Variants in DLG2 observed in about 807,000 individuals in gnomAD.
DLG2 encodes disks large homolog 2.
In DLG2, 45 loss-of-function variants were observed where a neutral mutation model predicts 132.5. That is an observed-to-expected ratio of 0.34 (90% confidence interval 0.27 to 0.44). The LOEUF is 0.44. DLG2 is among the 20% of genes least tolerant of loss of function. DLG2 has a pLI of 1.00. For synonymous variants in DLG2, 424 were observed against 419.6 expected (o/e 1.01, Z -0.13); for missense variants, 1,045 against 1,196.9 (o/e 0.87, Z 1.87).
chr11:84,580,217 C>T (rs2099513143), intron 6 of DLG2, among the ~76,000 whole-genome samples: 1 of 152,080 alleles, frequency 6.6e-6, no homozygotes. Flanking sequence ...TGGGTTTCAT[C>T]AAGCCTCAGA....
chr11:85,523,934 A>G (rs1426720282), intron 3 of DLG2, among the ~76,000 whole-genome samples: 2 of 152,214 alleles, frequency 1.3e-5, no homozygotes, highest in Admixed American at 6.5e-5. Context: ...ATTTGCACCA[A>G]TATGGATGGA....
intron 4 of DLG2, among the ~76,000 whole-genome samples, chr11:85,234,015 A>T (rs2075444793): frequency 6.6e-6 from 1 of 151,940 alleles, no homozygotes; most frequent in South Asian, 2.1e-4. Context: ...CTTTAACAAT[A>T]TTAATTGTGT....
chr11:84,557,856 G>T (rs1395119455), intron 6 of DLG2, among the ~76,000 whole-genome samples: 1 of 151,984 alleles, frequency 6.6e-6, no homozygotes, highest in Non-Finnish European at 1.5e-5. Context: ...AATTTTTCTA[G>T]ATATCTGTTC....
chr11:84,013,653 G>C (rs545816296), intron 11 of DLG2, among the ~76,000 whole-genome samples: 8 of 151,930 alleles, frequency 5.3e-5, no homozygotes, highest in Non-Finnish European at 1.0e-4. Flanking sequence ...TGGATCATGA[G>C]GTCAGAAGTT....
intron 3 of DLG2, among the ~76,000 whole-genome samples, chr11:85,412,725 TCACACACACA>T (rs542505541): frequency 7.8e-4 from 72 of 92,264 alleles, no homozygotes; most frequent in African/African-American, 2.0e-3. Context: ...GAGCAGTATT[TCACACACACA>T]CACACACACA....
At chr11:84,684,208 G>T (rs537527125) in intron 6 of DLG2, among the ~76,000 whole-genome samples, 1 of 152,286 alleles carries the variant, frequency 6.6e-6, no homozygotes, top group East Asian at 1.9e-4. Flanking sequence ...GATCTGAAAT[G>T]ACAAGCTGAG....
At chr11:84,231,091 T>C (rs756739838) in intron 8 of DLG2, among the ~76,000 whole-genome samples, 108 of 152,200 alleles carry the variant, frequency 7.1e-4, no homozygotes, top group Non-Finnish European at 1.4e-3. Flanking sequence ...AACCAATGGA[T>C]GAATTGATTC....
At position 83,471,639 on chromosome 11, in the gene DLG2, G is replaced by C; in HGVS notation, c.2433C>G (p.Gly811=). The change falls in exon 24 of 28, where the codon GGC becomes GGG. Residue 811 remains glycine (G), a synonymous_variant. Coordinates refer to ENST00000376104, the MANE Select transcript of DLG2 (RefSeq NM_001142699.3). The part of the protein sequence containing the change: ...DLISEFPDKF[G]SCVPHTTRPK... ...AATGACACTTACGAGGCACACAGGA[G>C]CCAAATTTATCAGGGAATTCAGATA... 8 of 1,612,872 alleles carry C rather than the reference G, an allele frequency of 5.0e-6. No homozygotes were observed. The highest frequency in any genetic ancestry group is 6.8e-6 in the Non-Finnish European group (8 of 1,179,192).
At chr11:83,920,119 T>C (rs2154119905) in intron 15 of DLG2, among the ~76,000 whole-genome samples, 1 of 152,274 alleles carries the variant, frequency 6.6e-6, no homozygotes, top group South Asian at 2.1e-4. Flanking sequence ...CTTTGGCCGC[T>C]TAGTAGTGGC....
chr11:84,474,518 A>G (rs929841515), intron 7 of DLG2, among the ~76,000 whole-genome samples: 6 of 151,952 alleles, frequency 3.9e-5, no homozygotes, highest in African/African-American at 1.4e-4. Context: ...CTTTTTGCCA[A>G]TGAGTGTGTT....
chr11:83,529,470 T>C (rs905515005), intron 21 of DLG2, among the ~76,000 whole-genome samples: 8 of 152,146 alleles, frequency 5.3e-5, no homozygotes, highest in Non-Finnish European at 1.2e-4. Flanking sequence ...GTAAATCTTA[T>C]GGAGAGTTAC....
At chr11:84,906,904 G>C (rs1366298916) in intron 6 of DLG2, among the ~76,000 whole-genome samples, 2 of 151,978 alleles carry the variant, frequency 1.3e-5, no homozygotes, top group African/African-American at 4.8e-5. Flanking sequence ...CTAAAATGAG[G>C]GTATCAGTAT....
chr11:84,250,141 T>C (rs1000254209), intron 8 of DLG2, among the ~76,000 whole-genome samples: 1 of 152,224 alleles, frequency 6.6e-6, no homozygotes, highest in African/African-American at 2.4e-5. Flanking sequence ...TTTTGAAAAT[T>C]AGTTGCCTGT....
chr11:83,818,961 C>T (rs2049900432), intron 17 of DLG2, among the ~76,000 whole-genome samples: 1 of 152,148 alleles, frequency 6.6e-6, no homozygotes. Context: ...CCACTGCCAT[C>T]TTTTTGAGGC....
chr11:85,413,488 T>C (rs556509672), intron 3 of DLG2, among the ~76,000 whole-genome samples: 3 of 152,196 alleles, frequency 2.0e-5, no homozygotes, highest in Admixed American at 6.6e-5. Context: ...TAAGCCAATG[T>C]CTAGAAGGAT....
intron 4 of DLG2, among the ~76,000 whole-genome samples, chr11:85,235,786 T>C (rs570020062): frequency 6.6e-6 from 1 of 152,056 alleles, no homozygotes; most frequent in South Asian, 2.1e-4. Context: ...GGTGAGGATC[T>C]AGATTTTTGA....
intron 14 of DLG2, among the ~76,000 whole-genome samples, chr11:83,953,993 T>A (rs78708745): frequency 0.1 from 15,307 of 152,234 alleles, 852 homozygotes; most frequent in Non-Finnish European, 0.12. Context: ...TTGATTAAAT[T>A]ACTATTCAAA....
rs574499034 is a variant in DLG2, at chr11:85,073,328, G to A, written c.357+38333C>T. On this transcript the variant is annotated intron_variant, in intron 6 of 27. Transcript: ENST00000376104. The stretch of plus-strand genomic sequence containing the variant: ...GTGGATTTTCAGCTTCACTGGAAAT[G>A]GCACAGAGAAAGAAGGCTTGTGCCA... Among the ~76,000 whole-genome samples, 9 of 151,918 alleles carry A rather than the reference G, an allele frequency of 5.9e-5. 1 individual carries two copies. Among genetic ancestry groups the A allele is most frequent in the African/African-American group, 2.2e-4 (9 of 41,502 alleles).
chr11:85,398,336 A>G (rs12271976), intron 3 of DLG2, among the ~76,000 whole-genome samples: 4,757 of 152,292 alleles, frequency 0.031, 263 homozygotes, highest in African/African-American at 0.1. Flanking sequence ...GGAAAGATCT[A>G]AAATTGACAC....
Sources: allele counts gnomAD v4.1 joint callset (sites outside exome capture counted in the v4.1 genomes callset), GRCh38; gene constraint gnomAD v4.1.1; transcripts MANE v1.5; gene names NCBI Gene and HGNC (gene_info 2026-07-23, HGNC 2026-07-21).